The following PTPRD variants were observed in gnomAD, a reference collection of about 807,000 sequenced individuals.
PTPRD encodes the protein protein tyrosine phosphatase receptor type D, also known as receptor-type tyrosine-protein phosphatase delta.
PTPRD carries 34 observed loss-of-function variants against 214.5 expected under a neutral mutation model. The observed-to-expected ratio is 0.16, with a 90% CI of 0.12 to 0.21. The LOEUF (loss-of-function observed/expected upper bound fraction) is 0.21, where lower values mean the gene tolerates loss of function less well. Among genes scored for constraint, PTPRD ranks in the 10% least tolerant of loss-of-function variants. The probability of loss-of-function intolerance (pLI) is 1.00; values close to 1 mark genes in which losing one functional copy is unlikely to be tolerated. For missense variants in PTPRD, 2,545 were observed against 2,398.7 expected (o/e 1.06, Z -1.27); for synonymous variants, 1,128 against 845.7 (o/e 1.33, Z -5.79).
At chr9:8,359,255 C>A (rs895621045) in intron 39 of PTPRD, among the ~76,000 whole-genome samples, 1 of 151,418 alleles carries the variant, frequency 6.6e-6, no homozygotes, top group African/African-American at 2.4e-5. Context: ...GTTAGAAATG[C>A]AATTTTTCAG....
chr9:9,065,337 G>C (rs557065316), intron 10 of PTPRD, among the ~76,000 whole-genome samples: 1 of 151,072 alleles, frequency 6.6e-6, no homozygotes, highest in East Asian at 2.0e-4. Context: ...TCCATTGGGA[G>C]GGAGATCTAC....
At chr9:10,054,883 C>T (rs928989449) in intron 3 of PTPRD, among the ~76,000 whole-genome samples, 2 of 151,966 alleles carry the variant, frequency 1.3e-5, no homozygotes, top group Admixed American at 6.6e-5. Context: ...GTCCTCATAC[C>T]CTGTGTGATG....
At chr9:9,401,677 G>T (rs983326766) in intron 8 of PTPRD, among the ~76,000 whole-genome samples, 1 of 151,584 alleles carries the variant, frequency 6.6e-6, no homozygotes, top group East Asian at 1.9e-4. Flanking sequence ...GTACCCACCG[G>T]AATCGCATCT....
intron 26 of PTPRD, among the ~76,000 whole-genome samples, chr9:8,495,163 G>A (rs1439734199): frequency 2.0e-5 from 3 of 152,104 alleles, no homozygotes; most frequent in African/African-American, 4.8e-5. Context: ...TCTGCTAGAT[G>A]TTTTCCTGTG....
intron 10 of PTPRD, among the ~76,000 whole-genome samples, chr9:9,078,616 G>T (rs2099754471): frequency 6.6e-6 from 1 of 151,834 alleles, no homozygotes; most frequent in Non-Finnish European, 1.5e-5. Context: ...TCCAGAAGCA[G>T]TCTCTGGGAA....
chr9:9,777,424 G>T (rs1376458702), intron 5 of PTPRD, among the ~76,000 whole-genome samples: 5 of 152,086 alleles, frequency 3.3e-5, no homozygotes, highest in African/African-American at 1.2e-4. Context: ...GCTAGGTGTG[G>T]TGGCTAATGC....
chr9:10,395,998 A>G (rs1393272502), intron 2 of PTPRD, among the ~76,000 whole-genome samples: 2 of 151,798 alleles, frequency 1.3e-5, no homozygotes, highest in African/African-American at 4.8e-5. Context: ...AGACACAGCG[A>G]GAGACAGAAG....
At chr9:9,102,807 A>G (rs923583001) in intron 10 of PTPRD, among the ~76,000 whole-genome samples, 4 of 152,240 alleles carry the variant, frequency 2.6e-5, no homozygotes, top group Non-Finnish European at 5.9e-5. Flanking sequence ...ATTTTGAAAC[A>G]TGACACTTGG....
chr9:9,020,076 C>T (rs2099557950), intron 10 of PTPRD, among the ~76,000 whole-genome samples: 1 of 152,008 alleles, frequency 6.6e-6, no homozygotes, highest in African/African-American at 2.4e-5. Flanking sequence ...ATTAAAAGGG[C>T]CATAAATAAA....
At chr9:10,223,690 A>G (rs10958958) in intron 3 of PTPRD, among the ~76,000 whole-genome samples, 2 of 146,330 alleles carry the variant, frequency 1.4e-5, no homozygotes, top group African/African-American at 5.0e-5. Context: ...AATAATAATA[A>G]TAATAATAAT....
At chr9:9,561,423 G>A (rs997435194) in intron 8 of PTPRD, among the ~76,000 whole-genome samples, 16 of 152,144 alleles carry the variant, frequency 1.1e-4, no homozygotes, top group Admixed American at 3.9e-4. Context: ...TATTGGTCAC[G>A]CATATTTGAC....
At chr9:9,162,257 A>T (rs548890461) in intron 10 of PTPRD, among the ~76,000 whole-genome samples, 1 of 152,226 alleles carries the variant, frequency 6.6e-6, no homozygotes, top group Admixed American at 6.5e-5. Context: ...ATGATTGCTA[A>T]TCTTACCCAG....
At position 8,564,254 on chromosome 9, in the gene PTPRD, C is replaced by T. The variant is rs149396589; in HGVS notation, c.353-35475G>A. Among the ~76,000 whole-genome samples, 453 of 152,206 alleles carry T rather than the reference C, an allele frequency of 3.0e-3. 2 individuals carry two copies. Among genetic ancestry groups the T allele is most frequent in the Non-Finnish European group, 5.1e-3 (350 of 68,022 alleles). The stretch of plus-strand genomic sequence containing the variant: ...ATTGGGTAGGCTAAGCTATGATGTT[C>T]AGTGGGTTTGACATATTAAACGCAT... On this transcript the variant is annotated intron_variant, in intron 14 of 45. Coordinates refer to ENST00000381196, the MANE Select transcript of PTPRD (RefSeq NM_002839.4).
chr9:9,596,840 C>A (rs2093389484), intron 7 of PTPRD, among the ~76,000 whole-genome samples: 1 of 151,954 alleles, frequency 6.6e-6, no homozygotes, highest in Non-Finnish European at 1.5e-5. Flanking sequence ...CTTAAAATAA[C>A]TTTTAGAATT....
intron 12 of PTPRD, among the ~76,000 whole-genome samples, chr9:8,699,618 G>T (rs1337585142): frequency 6.6e-6 from 1 of 152,140 alleles, no homozygotes; most frequent in Non-Finnish European, 1.5e-5. Context: ...GGTTGGGCCA[G>T]TAACTTTCAT....
chr9:9,937,869 A>C (rs1196992479), intron 5 of PTPRD, among the ~76,000 whole-genome samples: 1 of 152,176 alleles, frequency 6.6e-6, no homozygotes, highest in Non-Finnish European at 1.5e-5. Flanking sequence ...TCAGTTTACC[A>C]AAGTTTCATA....
chr9:9,579,160 G>A (rs1187498347), intron 7 of PTPRD, among the ~76,000 whole-genome samples: 2 of 152,038 alleles, frequency 1.3e-5, no homozygotes, highest in African/African-American at 2.4e-5. Flanking sequence ...TTCAGTTTTA[G>A]GAGTCAAGTA....
At chr9:10,575,680 A>T (rs1428353478) in intron 2 of PTPRD, among the ~76,000 whole-genome samples, 1 of 152,138 alleles carries the variant, frequency 6.6e-6, no homozygotes, top group Admixed American at 6.6e-5. Context: ...AACCTTATTA[A>T]GTGAACTCTC....
chr9:8,804,059 T>G (rs1428526018), intron 11 of PTPRD, among the ~76,000 whole-genome samples: 3 of 152,072 alleles, frequency 2.0e-5, no homozygotes. Context: ...TTCAAGCAAT[T>G]CTCCTGCCTC....
Sources: gnomAD v4.1 joint callset for allele counts (sites outside exome capture counted in the v4.1 genomes callset) on GRCh38, gnomAD v4.1.1 for gene constraint, MANE v1.5 for transcripts, NCBI Gene and HGNC (gene_info 2026-07-23, HGNC 2026-07-21) for gene names.